INTS6: variants seen among roughly 807,000 people sequenced by gnomAD.
INTS6 encodes integrator complex subunit 6, also known as DEAD box protein.
In INTS6, 16 loss-of-function variants were observed where a neutral mutation model predicts 104.9. The observed-to-expected ratio is 0.15, with a 90% CI of 0.10 to 0.23. The LOEUF is 0.23. Ranked by LOEUF, INTS6 falls within the 10% of genes least tolerant of loss-of-function variation. INTS6 has a pLI of 1.00. For missense variants in INTS6, 584 were observed against 1,062.8 expected (o/e 0.55, Z 6.26); for synonymous variants, 324 against 358.7 (o/e 0.90, Z 1.09).
intron 4 of INTS6, among the ~76,000 whole-genome samples, chr13:51,413,639 C>T (rs1956730653): frequency 6.6e-6 from 1 of 152,076 alleles, no homozygotes; most frequent in Non-Finnish European, 1.5e-5. Flanking sequence ...AAGTGAAATG[C>T]AAATAGTAGT....
intron 4 of INTS6, among the ~76,000 whole-genome samples, chr13:51,420,584 C>G (rs570779885): frequency 6.6e-6 from 1 of 151,832 alleles, no homozygotes. Context: ...CAATAAAATA[C>G]GAGCTACATA....
intron 3 of INTS6, chr13:51,437,156 A>G (rs945894158): frequency 1.3e-5 from 2 of 152,206 alleles, no homozygotes; most frequent in South Asian, 4.1e-4. Context: ...ATAAATAAAA[A>G]CCAAGATGTA....
At chr13:51,395,237 CT>C (rs1956314432) in intron 5 of INTS6, 62 bp downstream of exon 5, 3 of 1,462,736 alleles carry the variant, frequency 2.1e-6, no homozygotes, top group Non-Finnish European at 2.8e-6. Context: ...TGAATGTACA[CT>C]TTTAAAACAT....
chr13:51,377,741 C>T (rs1049814270), intron 12 of INTS6, among the ~76,000 whole-genome samples: 1 of 152,080 alleles, frequency 6.6e-6, no homozygotes, highest in South Asian at 2.1e-4. Context: ...GTTTTAAAAT[C>T]AGATGATATA....
the INTS6 span, among the ~76,000 whole-genome samples, chr13:51,342,627 C>G: frequency 6.6e-6 from 1 of 152,118 alleles, no homozygotes; most frequent in East Asian, 2.0e-4. Flanking sequence ...ACTTACTCTA[C>G]TATTTTAATG....
chr13:51,345,259 G>C, the INTS6 span, among the ~76,000 whole-genome samples: 1 of 152,120 alleles, frequency 6.6e-6, no homozygotes, highest in African/African-American at 2.4e-5. Flanking sequence ...TAACCCAGGT[G>C]GTCCGGCTCC....
intron 4 of INTS6, among the ~76,000 whole-genome samples, chr13:51,413,202 T>G (rs8001146): frequency 0.2 from 30,427 of 149,670 alleles, 3,320 homozygotes; most frequent in African/African-American, 0.29. Context: ...AAGAAAAAAG[T>G]TTTTTTTTTA....
chr13:51,406,024 G>C (rs180742845), intron 4 of INTS6, among the ~76,000 whole-genome samples: 3 of 152,048 alleles, frequency 2.0e-5, no homozygotes, highest in Non-Finnish European at 4.4e-5. Flanking sequence ...TCTTCCTTTG[G>C]CTTTCATGCT....
intron 5 of INTS6, among the ~76,000 whole-genome samples, chr13:51,392,366 T>C (rs1319797840): frequency 6.6e-6 from 1 of 152,118 alleles, no homozygotes; most frequent in Non-Finnish European, 1.5e-5. Context: ...TCCTGTTGCT[T>C]CCAAACATAT....
rs1955461518 is a variant in INTS6 at position 51,355,218 on chromosome 13, C to T, written n.431-882G>A. On this transcript the variant is annotated intron_variant and non_coding_transcript_variant, in intron 3 of 3. Transcript: ENST00000476666. ...TTTATCATACTTTGATTAAGGGATTCTCATTTCAGAGTCAACATTATGTAA... is the reference window on the plus strand; with the variant it reads ...TTTATCATACTTTGATTAAGGGATTTTCATTTCAGAGTCAACATTATGTAA... 7.4e-6 allele frequency: 4 copies of T among 540,830 alleles called. No individual in the cohort carries two copies. In the South Asian group the frequency reaches 9.5e-5, roughly 13 times the overall value. The allele number at this position is 540,830 out of a possible 1,614,324, so 33.5% of individuals were successfully genotyped here.
At chr13:51,361,379 T>C (rs1454483031), downstream of INTS6, 10 of 1,524,804 alleles carry the variant, frequency 6.6e-6, no homozygotes, top group East Asian at 2.3e-5. Context: ...GTTCAGAGAA[T>C]ACCCAGTCAC....
At chr13:51,367,759 T>C (rs777903187) in intron 17 of INTS6, 46 bp downstream of exon 17, 1 of 1,075,062 alleles carries the variant, frequency 9.3e-7, no homozygotes, top group South Asian at 1.4e-5. Context: ...ATATAAACTG[T>C]GGACTCATTT....
chr13:51,395,319 T>C lies in INTS6; in HGVS notation c.594A>G (p.Pro198=). Residue 198 remains proline, a synonymous_variant, in exon 5 of 18, where the codon CCA becomes CCG. Transcript: ENST00000311234. ...GVPLDDSAIT[P]MCEVTGGRSY... ...ACTTACCGCCTGTCACTTCACACATTGGTGTGATTGCAGAGTCATCTAAAG... is the reference window on the plus strand; with the variant it reads ...ACTTACCGCCTGTCACTTCACACATCGGTGTGATTGCAGAGTCATCTAAAG... The C allele has an allele frequency of 6.2e-7, 1 of 1,606,018 alleles. No individual in the cohort carries two copies.
In INTS6 at chr13:51,452,546, G is replaced by C. The variant is rs774801305; in HGVS notation, c.-21C>G. On this transcript the variant is annotated 5_prime_UTR_variant, in exon 1 of 18. Coordinates refer to ENST00000311234, the MANE Select transcript of INTS6 (RefSeq NM_012141.3). The surrounding 1 kb of genome is among the most constrained non-coding windows in gnomAD (Gnocchi z 4.2). ...GGCATAGTGCTGGCCGGGGACACCG[G>C]GGCCCGAGGTGGTGGAGAAAGAGGA... 5.0e-6 allele frequency: 8 copies of C among 1,608,242 alleles called. No individual in the cohort carries two copies. In the East Asian group the frequency reaches 1.3e-4, roughly 27 times the overall value.
chr13:51,433,443 G>A (rs941984615), intron 3 of INTS6, among the ~76,000 whole-genome samples: 5 of 152,116 alleles, frequency 3.3e-5, no homozygotes, highest in Admixed American at 6.5e-5. Context: ...GTGAGACTCC[G>A]TCTCAAAAAA....
chr13:51,392,328 G>A (rs946134451), intron 5 of INTS6, among the ~76,000 whole-genome samples: 2 of 151,270 alleles, frequency 1.3e-5, no homozygotes, highest in African/African-American at 2.4e-5. Flanking sequence ...TCTATTCCCC[G>A]CTATGTAAGC....
chr13:51,378,519 T>G, intron 11 of INTS6, 65 bp from the exon 12 acceptor site: 1 of 938,436 alleles, frequency 1.1e-6, no homozygotes, highest in Non-Finnish European at 1.6e-6. Context: ...ATACTAATGG[T>G]TATGATCTTC....
intron 3 of INTS6, chr13:51,444,643 G>A (rs1593777563): frequency 6.6e-6 from 1 of 151,786 alleles, no homozygotes; most frequent in African/African-American, 2.4e-5. Context: ...CAGCTACTCA[G>A]GAGGCTGAAG....
the INTS6 span, chr13:51,348,672 T>G: frequency 4.0e-6 from 1 of 248,944 alleles, no homozygotes. Flanking sequence ...CTGCCTTCAC[T>G]GGGCTGGAAT....
Sources: gnomAD v4.1 joint callset for allele counts (sites outside exome capture counted in the v4.1 genomes callset) on GRCh38, gnomAD v4.1.1 for gene constraint, Gnocchi (gnomAD v3.1) non-coding constraint, MANE v1.5 for transcripts, NCBI Gene and HGNC (gene_info 2026-07-23, HGNC 2026-07-21) for gene names.